Variants in NBEA observed in about 807,000 individuals in gnomAD.
The protein encoded by NBEA is lysosomal-trafficking regulator 2.
NBEA carries 44 observed loss-of-function variants against 343.4 expected under a neutral mutation model. The ratio of observed to expected loss-of-function variants is 0.13; its 90% CI spans 0.10 to 0.16. The LOEUF (loss-of-function observed/expected upper bound fraction) is 0.16, where lower values mean the gene tolerates loss of function less well. Ranked by LOEUF, NBEA falls within the 10% of genes least tolerant of loss-of-function variation. NBEA has a pLI of 1.00. For synonymous variants in NBEA, 1,175 were observed against 1,238.7 expected (o/e 0.95, Z 1.08); for missense variants, 2,555 against 3,631.3 (o/e 0.70, Z 7.62).
intron 34 of NBEA, among the ~76,000 whole-genome samples, chr13:35,258,499 A>G (rs1334320091): frequency 2.0e-5 from 3 of 150,836 alleles, no homozygotes; most frequent in East Asian, 3.9e-4. Flanking sequence ...TATTTTTATG[A>G]TCCTTAAAAA....
rs773061142 is a variant in NBEA, at chr13:35,646,362, G to T, written c.7770+14G>T. The T allele has an allele frequency of 6.3e-7, 1 of 1,597,748 alleles. No homozygotes were observed. The highest frequency in any genetic ancestry group is 8.6e-7 in the Non-Finnish European group (1 of 1,166,658). The stretch of plus-strand genomic sequence containing the variant: ...GCCATGCACCTGGTAAGACATATCA[G>T]CATGTTGAGATTTTTTTTTCTTTCC... On this transcript the variant is annotated intron_variant, in intron 51 of 58. Coordinates refer to ENST00000379939, the MANE Select transcript of NBEA (RefSeq NM_001385012.1).
intron 48 of NBEA, among the ~76,000 whole-genome samples, chr13:35,622,954 A>C (rs1254725717): frequency 6.6e-6 from 1 of 152,164 alleles, no homozygotes; most frequent in African/African-American, 2.4e-5. Context: ...TCATGGGAGA[A>C]AATAGAAATT....
intron 36 of NBEA, among the ~76,000 whole-genome samples, chr13:35,347,128 A>G (rs1402780001): frequency 6.6e-6 from 1 of 152,142 alleles, no homozygotes; most frequent in Non-Finnish European, 1.5e-5. Flanking sequence ...ATCAGAATAC[A>G]TAATGATATT....
chr13:35,258,995 A>T (rs2032947665), intron 34 of NBEA, among the ~76,000 whole-genome samples: 1 of 152,192 alleles, frequency 6.6e-6, no homozygotes, highest in Admixed American at 6.5e-5. Flanking sequence ...GGTTAGCTAT[A>T]TTAAATAAAT....
At chr13:35,572,078 A>G (rs1368070615) in intron 45 of NBEA, among the ~76,000 whole-genome samples, 1 of 152,184 alleles carries the variant, frequency 6.6e-6, no homozygotes. Flanking sequence ...GGGTCAACAG[A>G]TGAAACAATC....
At chr13:35,158,074 T>G (rs1219442996) in intron 21 of NBEA, among the ~76,000 whole-genome samples, 1 of 152,164 alleles carries the variant, frequency 6.6e-6, no homozygotes, top group Admixed American at 6.6e-5. Flanking sequence ...TGTAAATGAA[T>G]GATCATGGCT....
chr13:35,261,577 A>G (rs1384684873), intron 34 of NBEA, among the ~76,000 whole-genome samples: 1 of 152,084 alleles, frequency 6.6e-6, no homozygotes, highest in Middle Eastern at 3.2e-3. Flanking sequence ...AAAAGAAAGA[A>G]ATGGAACTCT....
chr13:35,541,725 G>GGT (rs3075505), intron 41 of NBEA, among the ~76,000 whole-genome samples: 13,388 of 145,124 alleles, frequency 0.092, 617 homozygotes, highest in Middle Eastern at 0.12. Flanking sequence ...GGTCTGCATG[G>GGT]GTGTGTGTGT....
intron 38 of NBEA, among the ~76,000 whole-genome samples, chr13:35,389,970 A>AGTGTGTGTGTGTGTGTGTGTGTGT (rs10523765): frequency 8.0e-5 from 11 of 138,050 alleles, no homozygotes; most frequent in African/African-American, 1.4e-4. Flanking sequence ...TCTTTTGTAG[A>AGTGTGTGTGTGTGTGTGTGTGTGT]GTGTGTGTGT....
chr13:35,403,909 G>GA (rs1444300356), intron 38 of NBEA, among the ~76,000 whole-genome samples: 1 of 151,748 alleles, frequency 6.6e-6, no homozygotes, highest in Non-Finnish European at 1.5e-5. Context: ...AAATTTACAA[G>GA]AAAAAAACAA....
At chr13:35,048,539 G>T (rs748640818) in intron 4 of NBEA, 24 bp from the exon 5 acceptor site, 33 of 1,593,650 alleles carry the variant, frequency 2.1e-5, no homozygotes, top group Non-Finnish European at 2.7e-5. Context: ...TGATACTTTC[G>T]TACCTTTTCT....
chr13:35,551,083 C>G, intron 43 of NBEA, 51 bp downstream of exon 43: 1 of 1,029,380 alleles, frequency 9.7e-7, no homozygotes, highest in Non-Finnish European at 1.5e-6. Context: ...ATATTTCAAT[C>G]TCAATATTAC....
At chr13:35,525,412 T>C (rs915279790) in intron 41 of NBEA, among the ~76,000 whole-genome samples, 4 of 151,860 alleles carry the variant, frequency 2.6e-5, no homozygotes, top group African/African-American at 9.7e-5. Flanking sequence ...AATTAGCCAG[T>C]CGTGGTGGCG....
chr13:35,146,756 A>G (rs1222080134), intron 18 of NBEA, among the ~76,000 whole-genome samples: 7 of 152,176 alleles, frequency 4.6e-5, no homozygotes, highest in South Asian at 2.1e-4. Flanking sequence ...AGTGACTGCT[A>G]TCATTTGGGC....
At chr13:35,212,160 T>C (rs1342170588) in intron 33 of NBEA, among the ~76,000 whole-genome samples, 1 of 152,176 alleles carries the variant, frequency 6.6e-6, no homozygotes, top group East Asian at 1.9e-4. Flanking sequence ...TTGCACTTTT[T>C]TCCCAGTCAC....
intron 36 of NBEA, among the ~76,000 whole-genome samples, chr13:35,344,506 C>G (rs1467784776): frequency 6.6e-6 from 1 of 151,756 alleles, no homozygotes; most frequent in African/African-American, 2.4e-5. Context: ...AATAAATGAG[C>G]AAACTCTTCT....
intron 10 of NBEA, among the ~76,000 whole-genome samples, chr13:35,080,302 A>G (rs540719158): frequency 2.0e-5 from 3 of 152,128 alleles, no homozygotes; most frequent in Non-Finnish European, 2.9e-5. Flanking sequence ...ATGGGTGCCT[A>G]TTAATGCATC....
At chr13:34,981,964 TC>T (rs1263744284) in intron 1 of NBEA, among the ~76,000 whole-genome samples, 1 of 151,950 alleles carries the variant, frequency 6.6e-6, no homozygotes, top group South Asian at 2.1e-4. Context: ...TCTCTCTCTC[TC>T]TCTCTCTGTC....
chr13:35,527,571 G>C (rs1258886802), intron 41 of NBEA, among the ~76,000 whole-genome samples: 1 of 152,202 alleles, frequency 6.6e-6, no homozygotes, highest in Non-Finnish European at 1.5e-5. Flanking sequence ...CGGAGGGCTG[G>C]CATGTCATTG....
Sources: allele counts gnomAD v4.1 joint callset (sites outside exome capture counted in the v4.1 genomes callset), GRCh38; gene constraint gnomAD v4.1.1; transcripts MANE v1.5; gene names NCBI Gene and HGNC (gene_info 2026-07-23, HGNC 2026-07-21).